Variants in ZNF740 observed in about 807,000 individuals in gnomAD.
The protein encoded by ZNF740 is oriLyt TD-element-binding protein 7.
ZNF740 carries 14 observed loss-of-function variants against 24.8 expected under a neutral mutation model. The observed-to-expected ratio is 0.56, with a 90% CI of 0.37 to 0.88. The LOEUF (loss-of-function observed/expected upper bound fraction) is 0.88. Ranked by LOEUF, ZNF740 falls within the 40% of genes least tolerant of loss-of-function variation. ZNF740 has a pLI of 0.00. For synonymous variants in ZNF740, 69 were observed against 84.0 expected (o/e 0.82, Z 0.98); for missense variants, 201 against 247.9 (o/e 0.81, Z 1.27).
At chr12:53,187,391 C>G (rs542514756) in intron 6 of ZNF740, 110 bp from the exon 7 acceptor site, 1 of 856,990 alleles carries the variant, frequency 1.2e-6, no homozygotes, top group Non-Finnish European at 1.9e-6. Flanking sequence ...TGTCTGTGCA[C>G]GTGCTGAGGG....
chr12:53,184,943 C>T lies in ZNF740; in HGVS notation c.62C>T (p.Ala21Val). ...GCAGGTGTGAGTTTGGTTCCCACTG[C>T]AGCCAGCAAGAAGATGATGCTGAGC... ...GLAGVSLVPT[A>V]ASKKMMLSQI... Residue 21 changes from alanine to valine, a missense_variant, in exon 3 of 7, where the codon GCA becomes GTA. Physicochemically the swap from Ala to Val is moderately conservative, Grantham distance 64. This residue lies in a region of ZNF740 where 117 missense variants were observed against 122.3 expected (regional missense o/e 0.96). Transcript: ENST00000416904. The T allele has an allele frequency of 1.2e-6, 2 of 1,614,010 alleles. No homozygotes were observed. The highest frequency in any genetic ancestry group is 1.7e-6 in the Non-Finnish European group (2 of 1,179,906).
Position 53,189,312 on chromosome 12 carries a change from G to C in ZNF740, c.*1722G>C, listed in dbSNP as rs1941884125. Reference sequence around the variant, plus strand: ...TGTGGCGGGTACGGGAACTGTCTTAGTAATCATGGAGACTGGCTGAACCTG... The same window carrying C: ...TGTGGCGGGTACGGGAACTGTCTTACTAATCATGGAGACTGGCTGAACCTG... On this transcript the variant is annotated 3_prime_UTR_variant, in exon 7 of 7. Transcript: ENST00000416904. 1 of 152,072 alleles carries C rather than the reference G, an allele frequency of 6.6e-6. No individual in the cohort carries two copies. The highest frequency in any genetic ancestry group is 1.5e-5 in the Non-Finnish European group (1 of 68,020). The allele number at this position is 152,072 out of a possible 1,614,324, so 9.4% of individuals were successfully genotyped here. A position where few individuals can be genotyped will look rare whatever the true frequency, so the allele number is the denominator to read the frequency against.
chr12:53,186,576 C>A, intron 6 of ZNF740, 67 bp downstream of exon 6: 1 of 1,295,590 alleles, frequency 7.7e-7, no homozygotes, highest in Non-Finnish European at 1.1e-6. Flanking sequence ...GGGCCACCCT[C>A]CACTCCTGCC....
intron 6 of ZNF740, among the ~76,000 whole-genome samples, chr12:53,187,144 G>A (rs1463933443): frequency 6.6e-6 from 1 of 152,204 alleles, no homozygotes; most frequent in African/African-American, 2.4e-5. Context: ...TGTTCCTCTG[G>A]TTCTCTACTC....
rs1416099778 is a variant in ZNF740, at chr12:53,184,878, C to G, written c.10-13C>G. ...TGCCAGGTGACCTGACACCTCATCT[C>G]CTTTCAACTTAGGCAAGTCTCCTGG... On this transcript the variant is annotated splice_polypyrimidine_tract_variant and intron_variant, in intron 2 of 6. Coordinates refer to ENST00000416904, the MANE Select transcript of ZNF740 (RefSeq NM_001004304.4). 2 of 1,609,276 alleles carry G rather than the reference C, an allele frequency of 1.2e-6. No homozygotes were observed. Among genetic ancestry groups the G allele is most frequent in the African/African-American group, 1.3e-5 (1 of 74,996 alleles).
At position 53,181,437 on chromosome 12, in the gene ZNF740, A is replaced by C. The variant is rs1305916106; in HGVS notation, c.-307-240A>C. The C allele has an allele frequency of 3.0e-6, 3 of 985,254 alleles. No homozygotes were observed. The African/African-American group carries it at 5.2e-5, about 17-fold the overall frequency. The allele number at this position is 985,254 out of a possible 1,614,324, so 61.0% of individuals were successfully genotyped here. On this transcript the variant is annotated intron_variant, in intron 1 of 6. Transcript: ENST00000416904. Reference sequence around the variant, plus strand: ...CATTCCTGAGATGGCAAATCCAAGCAACTTTCCTTTTGGCAGAGTTCCTCC... The same window carrying C: ...CATTCCTGAGATGGCAAATCCAAGCCACTTTCCTTTTGGCAGAGTTCCTCC...
chr12:53,185,339 T>G, intron 3 of ZNF740, 48 bp from the exon 4 acceptor site: 1 of 1,594,558 alleles, frequency 6.3e-7, no homozygotes, highest in South Asian at 1.1e-5. Flanking sequence ...GGGTCTCATC[T>G]CATGTTCCGA....
At chr12:53,186,669 TC>T in intron 6 of ZNF740, 160 bp downstream of exon 6, 1 of 567,570 alleles carries the variant, frequency 1.8e-6, no homozygotes, top group Non-Finnish European at 3.2e-6. Flanking sequence ...ATGCAGCTGA[TC>T]ATGGGGAGCA....
At chr12:53,183,093 C>T (rs1941725333) in intron 2 of ZNF740, among the ~76,000 whole-genome samples, 1 of 152,204 alleles carries the variant, frequency 6.6e-6, no homozygotes, top group Non-Finnish European at 1.5e-5. Flanking sequence ...CAGCTTCCTC[C>T]TTTCCATATA....
chr12:53,181,021 G>T, intron 1 of ZNF740, 184 bp downstream of exon 1: 2 of 839,182 alleles, frequency 2.4e-6, no homozygotes, highest in Non-Finnish European at 3.0e-6. Context: ...CCCTGCCCGC[G>T]CGTCCCGCCG....
At chr12:53,181,494 G>C (rs1251693826) in intron 1 of ZNF740, 183 bp from the exon 2 acceptor site, 1 of 985,166 alleles carries the variant, frequency 1.0e-6, no homozygotes, top group Non-Finnish European at 1.2e-6. Flanking sequence ...TGCTCCTGTT[G>C]GCTTCCACTC....
At position 53,191,634 on chromosome 12, in the gene ZNF740, G is replaced by GCCA; in HGVS notation, c.*4044_*4045insCCA. ...TGGCACTTTTGTAGAGAGGATTACT[G>GCCA]TCCTGGAGAAAGATGTTGCAGATTA... On this transcript the variant is annotated 3_prime_UTR_variant, in exon 7 of 7. Transcript: ENST00000416904. The GCCA allele has an allele frequency of 6.2e-7, 1 of 1,612,774 alleles. No individual in the cohort carries two copies. The highest frequency in any genetic ancestry group is 1.1e-5 in the South Asian group (1 of 91,056).
chr12:53,193,371 G>C lies in ZNF740; in HGVS notation c.*5781G>C. 3 of 1,561,578 alleles carry C rather than the reference G, an allele frequency of 1.9e-6. No individual in the cohort carries two copies. Among genetic ancestry groups the C allele is most frequent in the Non-Finnish European group, 2.6e-6 (3 of 1,150,096 alleles). ...AGGCGGCCAGGGGCACAGCTGGAAGGGGAAGGCAAAGGAGAGAAGTAGGTC... is the reference window on the plus strand; with the variant it reads ...AGGCGGCCAGGGGCACAGCTGGAAGCGGAAGGCAAAGGAGAGAAGTAGGTC... On this transcript the variant is annotated 3_prime_UTR_variant, in exon 7 of 7. Transcript: ENST00000416904.
intron 2 of ZNF740, among the ~76,000 whole-genome samples, chr12:53,182,662 A>AG (rs2121528061): frequency 6.6e-6 from 1 of 152,286 alleles, no homozygotes; most frequent in East Asian, 1.9e-4. Context: ...CAGCATGGGC[A>AG]GGAGCTTAGA....
At position 53,187,674 on chromosome 12, in the gene ZNF740, C is replaced by T; in HGVS notation, c.*84C>T. ...CTCTGGTCTGATGGTCCCACCACCG[C>T]CCCATGTGAACCTGTCCCACTCCTG... On this transcript the variant is annotated 3_prime_UTR_variant, in exon 7 of 7. Transcript: ENST00000416904. The T allele has an allele frequency of 8.9e-7, 1 of 1,124,448 alleles. No individual in the cohort carries two copies. The highest frequency in any genetic ancestry group is 1.3e-6 in the Non-Finnish European group (1 of 753,648). 69.7% of individuals were successfully genotyped at this position (1,124,448 alleles called of 1,614,324 possible).
At position 53,180,758 on chromosome 12, in the gene ZNF740, C is replaced by T; in HGVS notation, c.-387C>T. On this transcript the variant is annotated 5_prime_UTR_variant, in exon 1 of 7. Coordinates refer to ENST00000416904, the MANE Select transcript of ZNF740 (RefSeq NM_001004304.4). ...TCGGTCCCGGTGGGGGCAGCCGCGG[C>T]GGTGGGGTTGGCAGGGTGTGCTGGG... The T allele has an allele frequency of 7.9e-7, 1 of 1,266,608 alleles. No individual in the cohort carries two copies. The highest frequency in any genetic ancestry group is 2.4e-5 in the Admixed American group (1 of 41,136). 78.5% of individuals were successfully genotyped at this position (1,266,608 alleles called of 1,614,324 possible).
chr12:53,187,218 A>G (rs1941840764), intron 6 of ZNF740, among the ~76,000 whole-genome samples: 1 of 152,214 alleles, frequency 6.6e-6, no homozygotes, highest in Non-Finnish European at 1.5e-5. Flanking sequence ...TGCTGTGAGT[A>G]GGTACTTTTA....
In ZNF740 at chr12:53,193,255, G is replaced by C. The variant is rs758201026; in HGVS notation, c.*5665G>C. 6.2e-7 allele frequency: 1 copy of C among 1,614,088 alleles called. No homozygotes were observed. Among genetic ancestry groups the C allele is most frequent in the Non-Finnish European group, 8.5e-7 (1 of 1,179,958 alleles). On this transcript the variant is annotated 3_prime_UTR_variant, in exon 7 of 7. Coordinates refer to ENST00000416904, the MANE Select transcript of ZNF740 (RefSeq NM_001004304.4). Reference sequence around the variant, plus strand: ...CACATTGACAGTGACCCTTTCCACTGCACAGGGGCCCTGTGCCATTGGGAG... The same window carrying C: ...CACATTGACAGTGACCCTTTCCACTCCACAGGGGCCCTGTGCCATTGGGAG...
In ZNF740 at chr12:53,194,069, G is replaced by A. The variant is rs2120431953; in HGVS notation, c.*6479G>A. ...GAAGCCACTCAGACTGCTCCAGGAAGGATGGATGGAGGACTACCTCAGGCT... is the reference window on the plus strand; with the variant it reads ...GAAGCCACTCAGACTGCTCCAGGAAAGATGGATGGAGGACTACCTCAGGCT... On this transcript the variant is annotated 3_prime_UTR_variant, in exon 7 of 7. Coordinates refer to ENST00000416904, the MANE Select transcript of ZNF740 (RefSeq NM_001004304.4). 1 of 1,414,658 alleles carries A rather than the reference G, an allele frequency of 7.1e-7. No individual in the cohort carries two copies. The highest frequency in any genetic ancestry group is 9.8e-7 in the Non-Finnish European group (1 of 1,019,718). 87.6% of individuals were successfully genotyped at this position (1,414,658 alleles called of 1,614,324 possible).
Sources: gnomAD v4.1 joint callset for allele counts (sites outside exome capture counted in the v4.1 genomes callset) on GRCh38, gnomAD v4.1.1 for gene constraint, gnomAD v4.1.1 regional missense constraint, MANE v1.5 for transcripts, NCBI Gene and HGNC (gene_info 2026-07-23, HGNC 2026-07-21) for gene names.